LCA5L: variants seen among roughly 807,000 people sequenced by gnomAD.
LCA5L encodes lebercilin-like protein.
A neutral mutation model predicts 45.4 loss-of-function variants in LCA5L; 35 were observed. That is an observed-to-expected ratio of 0.77 (90% CI 0.59 to 1.02). LCA5L has a LOEUF of 1.02. Among genes scored for constraint, LCA5L ranks in the 50% least tolerant of loss-of-function variants. The probability of loss-of-function intolerance (pLI) is 0.00; values close to 1 mark genes in which losing one functional copy is unlikely to be tolerated. For synonymous variants in LCA5L, 233 were observed against 264.7 expected (o/e 0.88, Z 1.16); for missense variants, 668 against 761.6 (o/e 0.88, Z 1.45).
intron 5 of LCA5L, 148 bp downstream of exon 5, chr21:39,428,024 A>C: frequency 3.4e-6 from 2 of 590,052 alleles, no homozygotes; most frequent in Non-Finnish European, 3.1e-6. Context: ...TCTATTTCCT[A>C]ATTTATTCTA....
intron 2 of LCA5L, chr21:39,443,887 A>G (rs1468976227): frequency 6.6e-6 from 1 of 152,186 alleles, no homozygotes; most frequent in African/African-American, 2.4e-5. Flanking sequence ...TACAAAAATT[A>G]GCTGGGCATG....
rs2039006545 is a variant in LCA5L at position 39,405,792 on chromosome 21, C to G, written c.*90G>C. The stretch of plus-strand genomic sequence containing the variant: ...AAGTACTAAAACACACACATACATA[C>G]ACTCCCTCTCTCACACATTTCAAAA... On this transcript the variant is annotated 3_prime_UTR_variant, in exon 11 of 11. Transcript: ENST00000288350. 1.0e-6 allele frequency: 1 copy of G among 997,734 alleles called. No homozygotes were observed. Among genetic ancestry groups the G allele is most frequent in the Non-Finnish European group, 1.4e-6 (1 of 706,740 alleles). The allele number at this position is 997,734 out of a possible 1,614,324, so 61.8% of individuals were successfully genotyped here.
At chr21:39,427,386 GGC>G in intron 5 of LCA5L, among the ~76,000 whole-genome samples, 1 of 152,272 alleles carries the variant, frequency 6.6e-6, no homozygotes. Context: ...CAAAGAGCCG[GGC>G]GCGGTGGCTC....
chr21:39,444,040 A>C (rs1407624930), intron 2 of LCA5L, 95 bp downstream of exon 2: 2 of 151,822 alleles, frequency 1.3e-5, no homozygotes, highest in South Asian at 2.1e-4. Flanking sequence ...AAAAAAAAAA[A>C]AAACAACAAA....
rs75265747 is a variant in LCA5L at position 39,412,298 on chromosome 21, C to T, written c.976-496G>A. Among the ~76,000 whole-genome samples, 412 of 152,228 alleles carry T rather than the reference C, an allele frequency of 2.7e-3. 5 individuals are homozygous for T. The highest frequency in any genetic ancestry group is 9.3e-3 in the African/African-American group (386 of 41,526). On this transcript the variant is annotated intron_variant, in intron 7 of 10. Coordinates refer to ENST00000288350, the MANE Select transcript of LCA5L (RefSeq NM_152505.4). The stretch of plus-strand genomic sequence containing the variant: ...TAGAAAGTTCTATGAGACAGGGCTA[C>T]GTCTAGACAAGGGCCGGGGGGGAAG...
At chr21:39,438,895 A>T (rs1038852807) in intron 2 of LCA5L, 3 of 152,218 alleles carry the variant, frequency 2.0e-5, no homozygotes, top group African/African-American at 7.2e-5. Context: ...AAATAGAGTT[A>T]AATTCTCATT....
intron 8 of LCA5L, chr21:39,410,851 G>A (rs765301712): frequency 4.2e-6 from 2 of 471,182 alleles, no homozygotes; most frequent in Non-Finnish European, 8.8e-6. Context: ...TAGATTATAA[G>A]CCAGAAGCAA....
At chr21:39,443,187 T>C (rs1355120511) in intron 2 of LCA5L, among the ~76,000 whole-genome samples, 1 of 152,184 alleles carries the variant, frequency 6.6e-6, no homozygotes, top group Non-Finnish European at 1.5e-5. Flanking sequence ...AGACAAATAA[T>C]AGAGGCATTG....
chr21:39,414,499 G>A (rs1032291262), intron 7 of LCA5L, among the ~76,000 whole-genome samples: 4 of 152,234 alleles, frequency 2.6e-5, no homozygotes, highest in Non-Finnish European at 4.4e-5. Flanking sequence ...TATGACTTTC[G>A]TTAATGTGGC....
chr21:39,411,344 T>G (rs2040058799), intron 8 of LCA5L, among the ~76,000 whole-genome samples: 1 of 152,198 alleles, frequency 6.6e-6, no homozygotes, highest in Non-Finnish European at 1.5e-5. Context: ...CGTGCACACT[T>G]AAAATGGATG....
At chr21:39,427,342 T>A (rs1201954560) in intron 5 of LCA5L, among the ~76,000 whole-genome samples, 1 of 152,108 alleles carries the variant, frequency 6.6e-6, no homozygotes, top group Admixed American at 6.5e-5. Flanking sequence ...TTTGGACAGC[T>A]GGGAGTTGAT....
chr21:39,415,258 A>G (rs2040926732), intron 7 of LCA5L, among the ~76,000 whole-genome samples: 1 of 152,224 alleles, frequency 6.6e-6, no homozygotes, highest in African/African-American at 2.4e-5. Context: ...AGGGACAAAA[A>G]GCATGTGTTG....
chr21:39,436,272 C>A (rs1167279823), intron 2 of LCA5L: 2 of 152,102 alleles, frequency 1.3e-5, no homozygotes, highest in Non-Finnish European at 2.9e-5. Flanking sequence ...GTATTATATA[C>A]TAAAATGTAT....
chr21:39,420,068 G>A (rs548423799), intron 7 of LCA5L, among the ~76,000 whole-genome samples: 138 of 152,238 alleles, frequency 9.1e-4, no homozygotes, highest in Non-Finnish European at 1.7e-3. Flanking sequence ...TTAACGTGAT[G>A]AAATAGGAAT....
intron 6 of LCA5L, chr21:39,422,573 T>C (rs1442534512): frequency 4.0e-6 from 1 of 248,094 alleles, no homozygotes; most frequent in Non-Finnish European, 7.6e-6. Context: ...TGAGTAGGTT[T>C]TTAGGGAAGT....
intron 6 of LCA5L, among the ~76,000 whole-genome samples, chr21:39,421,217 C>T (rs2042256801): frequency 6.6e-6 from 1 of 151,994 alleles, no homozygotes; most frequent in Admixed American, 6.6e-5. Flanking sequence ...ATTCTCCTGC[C>T]TCAGCCCCTG....
In LCA5L at chr21:39,419,216, T is replaced by C. The variant is rs185359227; in HGVS notation, c.975+1490A>G. 2.8e-3 allele frequency among the ~76,000 whole-genome samples: 427 copies of C among 152,174 alleles called. 4 individuals carry two copies. The highest frequency in any genetic ancestry group is 9.7e-3 in the African/African-American group (402 of 41,536). On this transcript the variant is annotated intron_variant, in intron 7 of 10. Transcript: ENST00000288350. ...AGGCTCCTGGAAAATCTAAATTGCC[T>C]AATTGTCACAAAAAAGTTAAAGATC...
At chr21:39,441,761 C>T (rs1466620450) in intron 2 of LCA5L, among the ~76,000 whole-genome samples, 2 of 152,120 alleles carry the variant, frequency 1.3e-5, no homozygotes, top group African/African-American at 2.4e-5. Context: ...CACAAGTACC[C>T]GTTTTTAGCT....
intron 7 of LCA5L, among the ~76,000 whole-genome samples, chr21:39,413,077 T>C (rs73365943): frequency 0.044 from 6,636 of 152,292 alleles, 431 homozygotes; most frequent in African/African-American, 0.14. Flanking sequence ...CAGGATTTAT[T>C]TGACCAGACT....
Sources: gnomAD v4.1 joint callset for allele counts (sites outside exome capture counted in the v4.1 genomes callset) on GRCh38, gnomAD v4.1.1 for gene constraint, MANE v1.5 for transcripts, NCBI Gene and HGNC (gene_info 2026-07-23, HGNC 2026-07-21) for gene names.